Variants in LIPI observed in about 807,000 individuals in gnomAD.
LIPI encodes lipase member I.
LIPI carries 59 observed loss-of-function variants against 50.6 expected under a neutral mutation model. The ratio of observed to expected loss-of-function variants is 1.16; its 90% CI spans 0.94 to 1.45. LIPI has a LOEUF of 1.45. Among genes scored for constraint, LIPI ranks in the 40% most tolerant of loss-of-function variants. LIPI has a pLI of 0.00. For synonymous variants in LIPI, 203 were observed against 178.2 expected (o/e 1.14, Z -1.11); for missense variants, 586 against 536.3 (o/e 1.09, Z -0.92).
At chr21:14,204,981 G>A (rs1353959746) in intron 1 of LIPI, among the ~76,000 whole-genome samples, 1 of 151,454 alleles carries the variant, frequency 6.6e-6, no homozygotes, top group Non-Finnish European at 1.5e-5. Context: ...CTACGGAAGT[G>A]TTTTCAATAT....
At chr21:14,161,264 T>C (rs2018450837) in intron 7 of LIPI, among the ~76,000 whole-genome samples, 1 of 149,496 alleles carries the variant, frequency 6.7e-6, no homozygotes, top group Non-Finnish European at 1.5e-5. Flanking sequence ...GCACATCCTG[T>C]ATCTATGTAA....
intron 1 of LIPI, among the ~76,000 whole-genome samples, chr21:14,205,409 GATA>G (rs931948885): frequency 6.6e-6 from 1 of 151,700 alleles, no homozygotes; most frequent in African/African-American, 2.4e-5. Flanking sequence ...AATACAATAA[GATA>G]ATAAAAACCA....
intron 4 of LIPI, among the ~76,000 whole-genome samples, chr21:14,181,474 A>G (rs1462682066): frequency 1.3e-5 from 2 of 152,150 alleles, no homozygotes; most frequent in Non-Finnish European, 2.9e-5. Context: ...AATTGTCAAC[A>G]GCATGAACAG....
In LIPI at chr21:14,189,273, A is replaced by G. The variant is rs779104882; in HGVS notation, c.193T>C (p.Ser65Pro). The change falls in exon 2 of 10, where the codon TCA becomes CCA. Residue 65 changes from serine (S) to proline (P), a missense_variant. By Grantham distance (74) the Ser-to-Pro change is moderately conservative (BLOSUM62 -1). Transcript: ENST00000681601. The stretch of plus-strand genomic sequence containing the variant: ...TGTGTGTTGAAATTAACATTAAGTG[A>G]GTTATTTTGTTCAAACAGTGGCTCA... ...CAEPLFEQNNSLNVNFNTQKK... is the reference protein window; with the variant it reads ...CAEPLFEQNNPLNVNFNTQKK... 5.3e-5 allele frequency: 86 copies of G among 1,613,862 alleles called. No homozygotes were observed. The highest frequency in any genetic ancestry group is 7.2e-5 in the Non-Finnish European group (85 of 1,179,790).
chr21:14,147,371 A>G (rs2123073330), intron 8 of LIPI, among the ~76,000 whole-genome samples: 1 of 152,260 alleles, frequency 6.6e-6, no homozygotes, highest in South Asian at 2.1e-4. Flanking sequence ...CTATCCTTAT[A>G]TGTCTCATTA....
intron 4 of LIPI, among the ~76,000 whole-genome samples, chr21:14,168,654 A>C (rs1490031260): frequency 2.0e-5 from 3 of 152,208 alleles, no homozygotes; most frequent in Non-Finnish European, 4.4e-5. Flanking sequence ...CTTTACAGAC[A>C]AGCAAATGCT....
intron 1 of LIPI, among the ~76,000 whole-genome samples, chr21:14,209,870 A>G (rs537656811): frequency 9.9e-5 from 15 of 152,136 alleles, no homozygotes; most frequent in African/African-American, 3.4e-4. Flanking sequence ...ATAATAACAT[A>G]AAATCCCTAT....
intron 9 of LIPI, among the ~76,000 whole-genome samples, chr21:14,141,782 G>C (rs923746280): frequency 6.6e-6 from 1 of 152,066 alleles, no homozygotes; most frequent in African/African-American, 2.4e-5. Flanking sequence ...TTCTCATCTT[G>C]AGCTTATGTG....
intron 8 of LIPI, among the ~76,000 whole-genome samples, chr21:14,145,810 A>G (rs1020742088): frequency 2.0e-5 from 3 of 152,182 alleles, no homozygotes; most frequent in African/African-American, 7.2e-5. Context: ...ACAGCTGAAG[A>G]GTAACTAGTA....
intron 8 of LIPI, among the ~76,000 whole-genome samples, chr21:14,149,413 C>T (rs371435692): frequency 2.0e-5 from 3 of 152,254 alleles, no homozygotes; most frequent in East Asian, 3.9e-4. Flanking sequence ...GGTAGGAACA[C>T]AGAGTTAAAC....
chr21:14,140,379 A>G (rs569131621), intron 9 of LIPI, among the ~76,000 whole-genome samples: 67 of 151,948 alleles, frequency 4.4e-4, no homozygotes, highest in Middle Eastern at 6.8e-3. Context: ...CGTATTTTAA[A>G]AATATTTTTG....
intron 4 of LIPI, among the ~76,000 whole-genome samples, chr21:14,171,693 T>C (rs1280935677): frequency 6.6e-6 from 1 of 151,858 alleles, no homozygotes; most frequent in African/African-American, 2.4e-5. Flanking sequence ...ATCCCTTCCT[T>C]ACACCTTATA....
intron 9 of LIPI, among the ~76,000 whole-genome samples, chr21:14,136,116 A>ACACCTGCTAACTGAAGAGCCC (rs2017490332): frequency 6.6e-6 from 1 of 152,174 alleles, no homozygotes. Context: ...TCCTGACAGC[A>ACACCTGCTAACTGAAGAGCCC]TTCATCACCT....
At chr21:14,203,657 G>A (rs866705354) in intron 1 of LIPI, among the ~76,000 whole-genome samples, 2 of 152,086 alleles carry the variant, frequency 1.3e-5, no homozygotes, top group African/African-American at 2.4e-5. Flanking sequence ...ACACAGGAAG[G>A]TGAACATCAC....
chr21:14,199,918 T>C (rs2019993302), intron 1 of LIPI, among the ~76,000 whole-genome samples: 1 of 152,112 alleles, frequency 6.6e-6, no homozygotes, highest in Non-Finnish European at 1.5e-5. Flanking sequence ...TCAAGTAGGC[T>C]TTATCCCTGA....
At chr21:14,152,945 C>T (rs576905511) in intron 7 of LIPI, among the ~76,000 whole-genome samples, 1 of 152,138 alleles carries the variant, frequency 6.6e-6, no homozygotes, top group South Asian at 2.1e-4. Flanking sequence ...AAGTATTGAA[C>T]AAATAGATCC....
chr21:14,152,332 T>C (rs1397829810), intron 8 of LIPI, among the ~76,000 whole-genome samples: 1 of 152,026 alleles, frequency 6.6e-6, no homozygotes, highest in Non-Finnish European at 1.5e-5. Flanking sequence ...CATCTCCTGA[T>C]ACGCTTAGAA....
chr21:14,151,902 C>T (rs1417346564), intron 8 of LIPI, among the ~76,000 whole-genome samples: 2 of 151,754 alleles, frequency 1.3e-5, no homozygotes, highest in African/African-American at 4.8e-5. Context: ...GGGAATAGTT[C>T]TCTGAAACAC....
In LIPI at chr21:14,189,382, A is replaced by G. The variant is rs1043786580; in HGVS notation, c.84T>C (p.Ser28=). The change falls in exon 2 of 10, where the codon AGT becomes AGC. Residue 28 remains serine, a synonymous_variant. Coordinates refer to ENST00000681601, the MANE Select transcript of LIPI (RefSeq NM_001302998.2). ...KRPCLEFSQL[S]VKDSFRDLFI... Reference sequence around the variant, plus strand: ...ATAAATCTCTGAAGGAATCCTTTACACTTAGCTGAGAGAATTCAAGGCATG... The same window carrying G: ...ATAAATCTCTGAAGGAATCCTTTACGCTTAGCTGAGAGAATTCAAGGCATG... 1 of 1,612,912 alleles carries G rather than the reference A, an allele frequency of 6.2e-7. No individual in the cohort carries two copies. The highest frequency in any genetic ancestry group is 8.5e-7 in the Non-Finnish European group (1 of 1,179,010).
Sources: allele counts gnomAD v4.1 joint callset (sites outside exome capture counted in the v4.1 genomes callset), GRCh38; gene constraint gnomAD v4.1.1; transcripts MANE v1.5; gene names NCBI Gene and HGNC (gene_info 2026-07-23, HGNC 2026-07-21).